GSE1: variants seen among roughly 807,000 people sequenced by gnomAD.
The protein encoded by GSE1 is genetic suppressor element 1.
In GSE1, 32 loss-of-function variants were observed where a neutral mutation model predicts 112.6. The observed-to-expected ratio is 0.28, with a 90% confidence interval of 0.21 to 0.38. The LOEUF is 0.38. Ranked by LOEUF, GSE1 falls within the 10% of genes least tolerant of loss-of-function variation. The pLI, the probability that GSE1 is intolerant of heterozygous loss-of-function variation, is 1.00. For missense variants in GSE1, 2,348 were observed against 1,699.2 expected (o/e 1.38, Z -6.71); for synonymous variants, 1,115 against 735.6 (o/e 1.52, Z -8.35).
rs1484179735 is a variant in GSE1, at chr16:85,675,815, ATC to A, written c.*3280_*3281del. ...TAAAGTGTATATTAGCCACTTAGCAATCTCTATATTCTTTCAAGTAACCAAGC... is the reference window on the plus strand; with the variant it reads ...TAAAGTGTATATTAGCCACTTAGCAATCTATATTCTTTCAAGTAACCAAGC... On this transcript the variant is annotated 3_prime_UTR_variant, in exon 16 of 16. Transcript: ENST00000253458. 6 of 152,172 alleles carry A rather than the reference ATC, an allele frequency of 3.9e-5. No homozygotes were observed. Among genetic ancestry groups the A allele is most frequent in the African/African-American group, 1.4e-4 (6 of 41,434 alleles). The allele number at this position is 152,172 out of a possible 1,614,324, so 9.4% of individuals were successfully genotyped here. A position where few individuals can be genotyped will look rare whatever the true frequency, so the allele number is the denominator to read the frequency against.
At chr16:85,276,525 G>A (rs1306919738) in intron 1 of GSE1, among the ~76,000 whole-genome samples, 1 of 152,230 alleles carries the variant, frequency 6.6e-6, no homozygotes, top group East Asian at 1.9e-4. Context: ...CACTGAGCAG[G>A]TTCAGCCAAG....
Position 85,510,994 on chromosome 16 carries a change from C to T in GSE1, c.2465-122920C>T, listed in dbSNP as rs563699552. On this transcript the variant is annotated intron_variant, in intron 2 of 2. Transcript: ENST00000637419. ...CTCTCTGGCTTTATTTTTCCACTTG[C>T]ATGCGTTGCTCTTTAATAGCACGTA... Among the ~76,000 whole-genome samples the T allele has an allele frequency of 5.9e-5, 9 of 152,356 alleles. No individual in the cohort carries two copies. The East Asian group carries it at 1.5e-3, about 26-fold the overall frequency.
chr16:85,652,187 C>T (rs549166059), intron 3 of GSE1, among the ~76,000 whole-genome samples: 40 of 152,328 alleles, frequency 2.6e-4, no homozygotes, highest in African/African-American at 8.4e-4. Context: ...CGTTCATAGC[C>T]GTGCCATCAA....
intron 2 of GSE1, among the ~76,000 whole-genome samples, chr16:85,429,593 G>A (rs1453791298): frequency 1.3e-5 from 2 of 152,186 alleles, no homozygotes; most frequent in Non-Finnish European, 2.9e-5. Context: ...GGTGTGATCT[G>A]TTCCATGGCC....
chr16:85,211,430 G>A (rs1446985189), intron 1 of GSE1, among the ~76,000 whole-genome samples: 1 of 152,224 alleles, frequency 6.6e-6, no homozygotes, highest in African/African-American at 2.4e-5. Flanking sequence ...TGCAGCCTGG[G>A]TGGAGTGTGA....
chr16:85,663,247 G>A lies in GSE1; in HGVS notation c.2374-97G>A, dbSNP rs530818443. On this transcript the variant is annotated intron_variant, in intron 10 of 15. Transcript: ENST00000253458. ...TCTCCCACCAGGCGCAGCCAGCTAC[G>A]GCCCACACTTCGAGGACCCCAGGAG... The A allele has an allele frequency of 7.7e-4, 1,088 of 1,416,736 alleles. 3 individuals are homozygous for A. Among genetic ancestry groups the A allele is most frequent in the Non-Finnish European group, 9.5e-4 (976 of 1,024,946 alleles). The allele number at this position is 1,416,736 out of a possible 1,614,324, so 87.8% of individuals were successfully genotyped here. A position where few individuals can be genotyped will look rare whatever the true frequency, so the allele number is the denominator to read the frequency against.
chr16:85,340,968 C>T (rs977434344), intron 1 of GSE1, among the ~76,000 whole-genome samples: 2 of 152,196 alleles, frequency 1.3e-5, no homozygotes, highest in Non-Finnish European at 2.9e-5. Context: ...GCAGTGTCTA[C>T]CTCACAGGCT....
intron 1 of GSE1, among the ~76,000 whole-genome samples, chr16:85,591,648 G>A (rs1335883643): frequency 6.6e-6 from 1 of 152,238 alleles, no homozygotes; most frequent in Non-Finnish European, 1.5e-5. Flanking sequence ...GGGGCTCCTG[G>A]CTGCAGGCAG....
intron 2 of GSE1, among the ~76,000 whole-genome samples, chr16:85,461,604 C>G (rs972867476): frequency 2.0e-5 from 3 of 152,184 alleles, no homozygotes; most frequent in African/African-American, 4.8e-5. Flanking sequence ...GTTTCTCAAA[C>G]TTGACTTGTC....
chr16:85,620,691 C>T (rs1171567425), intron 1 of GSE1, among the ~76,000 whole-genome samples: 2 of 152,280 alleles, frequency 1.3e-5, no homozygotes, highest in African/African-American at 4.8e-5. Flanking sequence ...CCACTCAGCC[C>T]TGCATCTCTG....
chr16:85,308,097 T>A (rs1436198881), intron 1 of GSE1, among the ~76,000 whole-genome samples: 2 of 152,188 alleles, frequency 1.3e-5, no homozygotes, highest in Admixed American at 1.3e-4. Context: ...AGGAGGGACT[T>A]GGTCATGGAC....
chr16:85,585,491 C>CA (rs58238389), intron 1 of GSE1, among the ~76,000 whole-genome samples: 16,357 of 152,256 alleles, frequency 0.11, 2,841 homozygotes, highest in African/African-American at 0.37. Context: ...GTGTCGCCTA[C>CA]GTTTCTCCAA....
intron 2 of GSE1, among the ~76,000 whole-genome samples, chr16:85,473,973 C>T (rs1031721975): frequency 3.3e-5 from 5 of 152,010 alleles, no homozygotes; most frequent in South Asian, 2.1e-4. Context: ...GCCTGGGGGC[C>T]GAAGGCCCTG....
chr16:85,390,676 C>A (rs2047817839), intron 2 of GSE1, among the ~76,000 whole-genome samples: 1 of 138,180 alleles, frequency 7.2e-6, no homozygotes, highest in African/African-American at 2.6e-5. Flanking sequence ...CGTACCCCCG[C>A]CTTGTCCCCC....
At chr16:85,503,808 A>G (rs1436289848) in intron 2 of GSE1, among the ~76,000 whole-genome samples, 1 of 152,208 alleles carries the variant, frequency 6.6e-6, no homozygotes, top group Non-Finnish European at 1.5e-5. Context: ...AGCGGCCGTC[A>G]TTTGATACAA....
rs564852721 is a variant in GSE1, at chr16:85,673,347, CAA to C, written c.*810_*811del. ...CTGTGTATATATATTAAAAAAAAAA[CAA>C]AGTTTTGTATGTTTTTATTACTTTA... is the stretch of plus-strand genomic sequence containing the variant. On this transcript the variant is annotated 3_prime_UTR_variant, in exon 16 of 16. Coordinates refer to ENST00000253458, the MANE Select transcript of GSE1 (RefSeq NM_014615.5). 6 of 150,730 alleles carry C rather than the reference CAA, an allele frequency of 4.0e-5. No homozygotes were observed. Among genetic ancestry groups the C allele is most frequent in the Non-Finnish European group, 7.4e-5 (5 of 67,450 alleles). The allele number at this position is 150,730 out of a possible 1,614,324, so 9.3% of individuals were successfully genotyped here.
intron 2 of GSE1, among the ~76,000 whole-genome samples, chr16:85,515,230 C>T (rs1350913309): frequency 6.6e-6 from 1 of 152,168 alleles, no homozygotes; most frequent in Non-Finnish European, 1.5e-5. Flanking sequence ...GGGCACCCGC[C>T]TCACCTCTGC....
chr16:85,582,553 G>T (rs1216087300), intron 1 of GSE1, among the ~76,000 whole-genome samples: 5 of 152,178 alleles, frequency 3.3e-5, no homozygotes, highest in African/African-American at 1.2e-4. Flanking sequence ...TGCCTGGCTT[G>T]CTTCCTGGGT....
chr16:85,661,723 C>T lies in GSE1; in HGVS notation c.2218C>T (p.Leu740=), dbSNP rs1260907892. ...LQQRRRLVSK[L]DLEERRRREA... ...GCAGCGCCGGAGGCTGGTCAGCAAG[C>T]TGGACCTGGAGGAGCGCAGGCGGCG... The change falls in exon 9 of 16, where the codon CTG becomes TTG. Residue 740 remains leucine, a synonymous_variant. Coordinates refer to ENST00000253458, the MANE Select transcript of GSE1 (RefSeq NM_014615.5). 6 of 1,585,268 alleles carry T rather than the reference C, an allele frequency of 3.8e-6. No homozygotes were observed. Among genetic ancestry groups the T allele is most frequent in the Non-Finnish European group, 5.1e-6 (6 of 1,165,300 alleles).
Sources: gnomAD v4.1 joint callset for allele counts (sites outside exome capture counted in the v4.1 genomes callset) on GRCh38, gnomAD v4.1.1 for gene constraint, MANE v1.5 for transcripts, NCBI Gene and HGNC (gene_info 2026-07-23, HGNC 2026-07-21) for gene names.